FTCDNL1: variants seen among roughly 807,000 people sequenced by gnomAD.
FTCDNL1 encodes the protein formiminotransferase N-terminal subdomain-containing protein.
FTCDNL1 carries 11 observed loss-of-function variants against 5.9 expected under a neutral mutation model. The ratio of observed to expected loss-of-function variants is 1.87; its 90% confidence interval spans 1.18 to 3.10. The LOEUF is 3.10. Among genes scored for constraint, FTCDNL1 ranks in the 30% most tolerant of loss-of-function variants. The probability of loss-of-function intolerance (pLI) is 0.00; values close to 1 mark genes in which losing one functional copy is unlikely to be tolerated. For missense variants in FTCDNL1, 115 were observed against 65.5 expected, an observed-to-expected ratio of 1.76 and a Z score of -2.61; for synonymous variants, 58 against 24.8, an observed-to-expected ratio of 2.34 and a Z score of -3.99.
intron 3 of FTCDNL1, among the ~76,000 whole-genome samples, chr2:199,840,945 AT>A (rs2076568476): frequency 6.6e-6 from 1 of 151,932 alleles, no homozygotes. Flanking sequence ...AAGCCTAGGA[AT>A]TCAAGACCCA....
At chr2:199,735,034 T>TTCCAGGTACTAACCA in the FTCDNL1 span, among the ~76,000 whole-genome samples, 1 of 139,726 alleles carries the variant, frequency 7.2e-6, no homozygotes, top group Non-Finnish European at 1.5e-5. Flanking sequence ...CAAAGGTGTC[T>TTCCAGGTACTAACCA]CAAAACGCAT....
Position 199,809,778 on chromosome 2 carries a change from T to C in FTCDNL1, c.*2927A>G, listed in dbSNP as rs1700928956. 6.6e-6 allele frequency among the ~76,000 whole-genome samples: 1 copy of C among 152,134 alleles called. No homozygotes were observed. The highest frequency in any genetic ancestry group is 2.1e-4 in the South Asian group (1 of 4,824). Reference sequence around the variant, plus strand: ...CTCCCCAATATAAACATTTCAAAATTCTATATCTGGTTTATGAGCAGCAGA... The same window carrying C: ...CTCCCCAATATAAACATTTCAAAATCCTATATCTGGTTTATGAGCAGCAGA... On this transcript the variant is annotated 3_prime_UTR_variant, in exon 5 of 5. Transcript: ENST00000420128.
At chr2:199,819,341 T>C in intron 4 of FTCDNL1, 2 of 536,488 alleles carry the variant, frequency 3.7e-6, no homozygotes, top group East Asian at 3.1e-5. Context: ...ATGATATATC[T>C]TGAATATCAC....
At chr2:199,727,344 A>AT in the FTCDNL1 span, among the ~76,000 whole-genome samples, 1 of 152,078 alleles carries the variant, frequency 6.6e-6, no homozygotes, top group Non-Finnish European at 1.5e-5. Flanking sequence ...TCTCCAGCAT[A>AT]TGTGAGAGGC....
intron 4 of FTCDNL1, 178 bp downstream of exon 4, chr2:199,819,394 T>C (rs986799340): frequency 1.2e-5 from 7 of 592,128 alleles, no homozygotes; most frequent in Middle Eastern, 4.4e-4. Context: ...GCTTCTAGGC[T>C]CACAGGTTAG....
intron 3 of FTCDNL1, among the ~76,000 whole-genome samples, chr2:199,763,525 T>A (rs1698368641): frequency 6.6e-6 from 1 of 152,144 alleles, no homozygotes; most frequent in African/African-American, 2.4e-5. Context: ...AGCTCCCTAC[T>A]CACCTTTCCC....
intron 4 of FTCDNL1, among the ~76,000 whole-genome samples, chr2:199,815,964 C>T (rs1366660982): frequency 6.6e-6 from 1 of 151,558 alleles, no homozygotes. Context: ...CACACCACTG[C>T]ACTCCAGCCT....
intron 3 of FTCDNL1, among the ~76,000 whole-genome samples, chr2:199,801,625 A>C (rs1700453558): frequency 6.6e-6 from 1 of 152,132 alleles, no homozygotes; most frequent in South Asian, 2.1e-4. Flanking sequence ...ACTGCACTCC[A>C]GCCTGGGTAA....
At chr2:199,718,974 A>T in the FTCDNL1 span, among the ~76,000 whole-genome samples, 1 of 151,298 alleles carries the variant, frequency 6.6e-6, no homozygotes, top group Non-Finnish European at 1.5e-5. Context: ...TAGTTTGCAA[A>T]TTTTTTTTCC....
the FTCDNL1 span, among the ~76,000 whole-genome samples, chr2:199,676,018 C>G: frequency 6.6e-6 from 1 of 152,204 alleles, no homozygotes; most frequent in African/African-American, 2.4e-5. Flanking sequence ...TCCCAACGTG[C>G]TGGGACTACA....
intron 3 of FTCDNL1, among the ~76,000 whole-genome samples, chr2:199,802,675 C>T (rs1700517259): frequency 6.6e-6 from 1 of 152,188 alleles, no homozygotes; most frequent in Admixed American, 6.5e-5. Flanking sequence ...TGATTTCAGG[C>T]ATCTCCCAAT....
chr2:199,757,690 C>T (rs991016846), downstream of FTCDNL1, among the ~76,000 whole-genome samples: 1 of 152,194 alleles, frequency 6.6e-6, no homozygotes, highest in African/African-American at 2.4e-5. Context: ...TGGCAGCTTG[C>T]TCTCTCTTGG....
At chr2:199,758,242 C>T (rs959347475), downstream of FTCDNL1, among the ~76,000 whole-genome samples, 1 of 151,924 alleles carries the variant, frequency 6.6e-6, no homozygotes, top group Non-Finnish European at 1.5e-5. Context: ...AATTTTCAGA[C>T]ATATAAAACA....
downstream of FTCDNL1, among the ~76,000 whole-genome samples, chr2:199,805,019 T>C (rs996671876): frequency 6.6e-6 from 1 of 152,128 alleles, no homozygotes; most frequent in African/African-American, 2.4e-5. Context: ...AAGGTGGCAC[T>C]GCCCAGCTGA....
chr2:199,708,768 T>C, the FTCDNL1 span, among the ~76,000 whole-genome samples: 2 of 152,160 alleles, frequency 1.3e-5, no homozygotes, highest in African/African-American at 4.8e-5. Context: ...TTAGAAACCA[T>C]TCAGTTCCCT....
intron 3 of FTCDNL1, among the ~76,000 whole-genome samples, chr2:199,776,077 C>T (rs149186757): frequency 0.035 from 5,299 of 152,108 alleles, 127 homozygotes; most frequent in Non-Finnish European, 0.05. Context: ...CCACGCCTGG[C>T]TAATTTTTGT....
At chr2:199,780,758 GA>G (rs1358035999) in intron 3 of FTCDNL1, among the ~76,000 whole-genome samples, 1 of 152,210 alleles carries the variant, frequency 6.6e-6, no homozygotes, top group African/African-American at 2.4e-5. Flanking sequence ...AATACCAAGA[GA>G]TGCCACAGCA....
chr2:199,673,085 C>T, the FTCDNL1 span, among the ~76,000 whole-genome samples: 13 of 152,052 alleles, frequency 8.5e-5, no homozygotes, highest in East Asian at 1.4e-3. Flanking sequence ...CCCAGCCCTT[C>T]GGGAGGCCGA....
At chr2:199,696,024 C>T in the FTCDNL1 span, among the ~76,000 whole-genome samples, 1 of 152,204 alleles carries the variant, frequency 6.6e-6, no homozygotes, top group Non-Finnish European at 1.5e-5. Flanking sequence ...CTAACTGGGG[C>T]ACTTCCCAGC....
Sources: allele counts gnomAD v4.1 joint callset (sites outside exome capture counted in the v4.1 genomes callset), GRCh38; gene constraint gnomAD v4.1.1; transcripts MANE v1.5; gene names NCBI Gene and HGNC (gene_info 2026-07-23, HGNC 2026-07-21).